CA10: variants seen among roughly 807,000 people sequenced by gnomAD.
CA10 encodes carbonic anhydrase 10 (inactive).
CA10 carries 14 observed loss-of-function variants against 44.2 expected under a neutral mutation model. That is an observed-to-expected ratio of 0.32 (90% CI 0.21 to 0.50). CA10 has a LOEUF of 0.50. CA10 is among the 20% of genes least tolerant of loss of function. The probability of loss-of-function intolerance (pLI) is 0.99; values close to 1 mark genes in which losing one functional copy is unlikely to be tolerated. For synonymous variants in CA10, 159 were observed against 141.6 expected (o/e 1.12, Z -0.87); for missense variants, 350 against 409.7 (o/e 0.85, Z 1.26).
At chr17:51,861,106 G>T (rs563966017) in intron 3 of CA10, among the ~76,000 whole-genome samples, 1 of 152,168 alleles carries the variant, frequency 6.6e-6, no homozygotes, top group African/African-American at 2.4e-5. Flanking sequence ...CTGCGTTTCT[G>T]CTTTGCCAGC....
intron 3 of CA10, among the ~76,000 whole-genome samples, chr17:51,865,258 CT>C (rs1209458704): frequency 4.6e-5 from 7 of 152,184 alleles, no homozygotes; most frequent in African/African-American, 1.7e-4. Flanking sequence ...GGTTTATTTG[CT>C]TGTCTCTCCC....
chr17:51,717,841 A>G lies in CA10; in HGVS notation c.465+29792T>C, dbSNP rs74482081. Among the ~76,000 whole-genome samples the G allele has an allele frequency of 8.1e-5, 6 of 73,774 alleles. 1 individual carries two copies. The highest frequency in any genetic ancestry group is 4.9e-4 in the Admixed American group (3 of 6,162). The allele number at this position is 73,774 out of a possible 152,430, so 48.4% of individuals were successfully genotyped here. ...TATATATGTGTGTGTATATATATAT[A>G]TATATATATATATATATATATATAT... is the stretch of plus-strand genomic sequence containing the variant. On this transcript the variant is annotated intron_variant, in intron 4 of 8. Transcript: ENST00000451037.
intron 3 of CA10, among the ~76,000 whole-genome samples, chr17:51,812,206 C>A (rs1907397149): frequency 6.6e-6 from 1 of 152,156 alleles, no homozygotes; most frequent in East Asian, 1.9e-4. Context: ...AAACCTAGCA[C>A]TACTACAAAT....
chr17:51,798,609 A>C (rs1197365870), intron 3 of CA10, among the ~76,000 whole-genome samples: 6 of 152,240 alleles, frequency 3.9e-5, no homozygotes, highest in African/African-American at 1.4e-4. Flanking sequence ...TCAAGATAGA[A>C]AACACGATCA....
chr17:51,890,233 G>C (rs148858404), intron 3 of CA10, among the ~76,000 whole-genome samples: 1 of 152,238 alleles, frequency 6.6e-6, no homozygotes, highest in Non-Finnish European at 1.5e-5. Flanking sequence ...TCATTCATGG[G>C]GATAGAGTAG....
At chr17:51,644,152 A>C (rs9892523) in intron 6 of CA10, among the ~76,000 whole-genome samples, 1 of 151,492 alleles carries the variant, frequency 6.6e-6, no homozygotes, top group Admixed American at 6.6e-5. Flanking sequence ...GCTCAAAAGA[A>C]TGATTTTGCA....
intron 8 of CA10, among the ~76,000 whole-genome samples, chr17:51,632,233 C>T (rs1912611759): frequency 6.6e-6 from 1 of 152,008 alleles, no homozygotes; most frequent in Non-Finnish European, 1.5e-5. Flanking sequence ...TGTTGTAGAC[C>T]ATATGCTCTG....
At chr17:52,138,543 A>T (rs1989408414) in intron 1 of CA10, among the ~76,000 whole-genome samples, 1 of 152,194 alleles carries the variant, frequency 6.6e-6, no homozygotes, top group African/African-American at 2.4e-5. Flanking sequence ...ATGTGACTGA[A>T]CTTAGTCATT....
chr17:51,760,543 C>A (rs1183000564), intron 3 of CA10, among the ~76,000 whole-genome samples: 1 of 152,100 alleles, frequency 6.6e-6, no homozygotes, highest in African/African-American at 2.4e-5. Context: ...GGGAGATGGC[C>A]TCTGGAGGAG....
In CA10 at chr17:52,083,817, T is replaced by C. The variant is rs144198312; in HGVS notation, c.62-11424A>G. 2.5e-3 allele frequency among the ~76,000 whole-genome samples: 384 copies of C among 152,034 alleles called. 2 individuals are homozygous for C. In the Middle Eastern group the frequency reaches 0.054, roughly 22 times the overall value. On this transcript the variant is annotated intron_variant, in intron 1 of 8. Coordinates refer to ENST00000451037, the MANE Select transcript of CA10 (RefSeq NM_020178.5). ...TTTTCTTTACGCACTTACCCATTGA[T>C]AGAGACTTATGTTGATTCCATATCT...
chr17:52,112,634 C>T (rs1291152074), intron 1 of CA10, among the ~76,000 whole-genome samples: 3 of 152,186 alleles, frequency 2.0e-5, no homozygotes, highest in Admixed American at 1.3e-4. Flanking sequence ...AAGAAATGAA[C>T]ACTATCTACC....
intron 4 of CA10, among the ~76,000 whole-genome samples, chr17:51,701,384 C>A (rs574345638): frequency 3.3e-5 from 5 of 152,318 alleles, no homozygotes; most frequent in African/African-American, 1.2e-4. Flanking sequence ...TCTGCAAAGA[C>A]CCTGGCTCCA....
At chr17:51,741,296 T>A (rs1414559491) in intron 4 of CA10, among the ~76,000 whole-genome samples, 1 of 152,198 alleles carries the variant, frequency 6.6e-6, no homozygotes, top group Non-Finnish European at 1.5e-5. Flanking sequence ...TCCTTTTGTG[T>A]CCTTTACCAC....
intron 6 of CA10, among the ~76,000 whole-genome samples, chr17:51,644,269 C>T (rs551890937): frequency 6.6e-6 from 1 of 152,090 alleles, no homozygotes; most frequent in Admixed American, 6.6e-5. Context: ...GATTTCACCC[C>T]GCTGCCTCCA....
intron 3 of CA10, among the ~76,000 whole-genome samples, chr17:51,905,775 T>C (rs189244145): frequency 6.6e-6 from 1 of 152,248 alleles, no homozygotes; most frequent in African/African-American, 2.4e-5. Context: ...CATTCAGGGC[T>C]AGCTATTTTA....
At chr17:51,967,516 G>A (rs931176302) in intron 2 of CA10, among the ~76,000 whole-genome samples, 2 of 151,700 alleles carry the variant, frequency 1.3e-5, no homozygotes, top group South Asian at 2.1e-4. Flanking sequence ...CTATAAAAAT[G>A]ACTGATATCA....
At chr17:51,669,523 G>A (rs777863408) in intron 4 of CA10, among the ~76,000 whole-genome samples, 10 of 152,068 alleles carry the variant, frequency 6.6e-5, no homozygotes, top group South Asian at 2.1e-4. Flanking sequence ...TTCGCTCTTC[G>A]TACTAAATCT....
rs79009073 is a variant in CA10, at chr17:51,718,308, G to A, written c.465+29325C>T. Reference sequence around the variant, plus strand: ...AAATAGATAAATAAATAAAAATAAAGTATTGGAACTTTCAGCTCCACCTCA... The same window carrying A: ...AAATAGATAAATAAATAAAAATAAAATATTGGAACTTTCAGCTCCACCTCA... On this transcript the variant is annotated intron_variant, in intron 4 of 8. Coordinates refer to ENST00000451037, the MANE Select transcript of CA10 (RefSeq NM_020178.5). Among the ~76,000 whole-genome samples the A allele has an allele frequency of 4.5e-3, 688 of 152,222 alleles. 3 individuals are homozygous for A. The highest frequency in any genetic ancestry group is 8.1e-3 in the Non-Finnish European group (549 of 68,014).
chr17:52,144,320 C>A (rs951488299), intron 1 of CA10, among the ~76,000 whole-genome samples: 5 of 152,178 alleles, frequency 3.3e-5, no homozygotes, highest in African/African-American at 1.2e-4. Context: ...GGCAAATGAT[C>A]TAGAATTTAC....
Sources: gnomAD v4.1 joint callset for allele counts (sites outside exome capture counted in the v4.1 genomes callset) on GRCh38, gnomAD v4.1.1 for gene constraint, MANE v1.5 for transcripts, NCBI Gene and HGNC (gene_info 2026-07-23, HGNC 2026-07-21) for gene names.